The following NRXN3 variants were observed in gnomAD, a reference collection of about 807,000 sequenced individuals.
NRXN3 encodes neurexin III.
Under a neutral mutation model 137.6 loss-of-function variants are expected in NRXN3, and 32 were observed. The observed-to-expected ratio is 0.23, with a 90% CI of 0.18 to 0.31. The LOEUF is 0.31. Ranked by LOEUF, NRXN3 falls within the 10% of genes least tolerant of loss-of-function variation. The probability of loss-of-function intolerance (pLI) is 1.00; values close to 1 mark genes in which losing one functional copy is unlikely to be tolerated. For synonymous variants in NRXN3, 798 were observed against 784.5 expected, an observed-to-expected ratio of 1.02 and a Z score of -0.29; for missense variants, 1,574 against 2,062.5, an observed-to-expected ratio of 0.76 and a Z score of 4.59.
chr14:78,644,432 C>T (rs2097666894), intron 4 of NRXN3, among the ~76,000 whole-genome samples: 1 of 152,142 alleles, frequency 6.6e-6, no homozygotes, highest in African/African-American at 2.4e-5. Flanking sequence ...CAACCAGGGT[C>T]TTCAAAACAG....
chr14:79,374,147 A>G (rs2094192401), intron 15 of NRXN3, among the ~76,000 whole-genome samples: 1 of 152,184 alleles, frequency 6.6e-6, no homozygotes, highest in Non-Finnish European at 1.5e-5. Flanking sequence ...TTTGTATTAT[A>G]CTGGAAATAG....
At chr14:79,499,013 C>T (rs1053438435) in intron 16 of NRXN3, among the ~76,000 whole-genome samples, 3 of 152,158 alleles carry the variant, frequency 2.0e-5, no homozygotes, top group Admixed American at 1.3e-4. Flanking sequence ...TTGAATTCCT[C>T]TTTCTAGTTT....
chr14:79,269,808 AT>A (rs909693357), intron 15 of NRXN3, among the ~76,000 whole-genome samples: 168 of 152,298 alleles, frequency 1.1e-3, no homozygotes, highest in African/African-American at 4.0e-3. Flanking sequence ...AGAAAAAAAA[AT>A]GTTTGGTATT....
chr14:78,307,291 C>T (rs1206422611), intron 4 of NRXN3, among the ~76,000 whole-genome samples: 1 of 151,790 alleles, frequency 6.6e-6, no homozygotes, highest in East Asian at 1.9e-4. Flanking sequence ...TCCATTGTGA[C>T]CCTTTCTGCC....
Position 79,424,435 on chromosome 14 carries a change from G to A in NRXN3, c.3263-42786G>A, listed in dbSNP as rs559373616. On this transcript the variant is annotated intron_variant, in intron 15 of 20. Coordinates refer to ENST00000335750, the MANE Select transcript of NRXN3 (RefSeq NM_001330195.2). ...AATGTACATAGACAATAATAATTAT[G>A]AATAACATTTACTAAGCATCTACTA... Among the ~76,000 whole-genome samples, 8 of 152,230 alleles carry A rather than the reference G, an allele frequency of 5.3e-5. No homozygotes were observed. The East Asian group carries it at 1.5e-3, about 29-fold the overall frequency.
chr14:78,298,764 C>G (rs962332713), intron 4 of NRXN3, among the ~76,000 whole-genome samples: 1 of 152,192 alleles, frequency 6.6e-6, no homozygotes, highest in African/African-American at 2.4e-5. Context: ...TTTTTCTTGA[C>G]TATGTCGTGT....
intron 15 of NRXN3, among the ~76,000 whole-genome samples, chr14:79,115,308 A>G (rs993753631): frequency 1.4e-5 from 2 of 145,346 alleles, no homozygotes; most frequent in African/African-American, 5.1e-5. Flanking sequence ...CTGGGCAAGA[A>G]GAACGAAACT....
intron 10 of NRXN3, among the ~76,000 whole-genome samples, chr14:78,868,058 TTTTACTTAATATAAA>T (rs1310827160): frequency 6.7e-6 from 1 of 148,890 alleles, no homozygotes; most frequent in Non-Finnish European, 1.5e-5. Context: ...ATATACTTAA[TTTTACTTAATATAAA>T]TTTACTTAAT....
intron 15 of NRXN3, among the ~76,000 whole-genome samples, chr14:79,223,733 C>T (rs1329735212): frequency 1.3e-5 from 2 of 152,130 alleles, no homozygotes; most frequent in East Asian, 1.9e-4. Flanking sequence ...TAGCACTTTG[C>T]TCCAACCTGT....
At chr14:79,339,366 T>C (rs905984593) in intron 15 of NRXN3, among the ~76,000 whole-genome samples, 1 of 152,200 alleles carries the variant, frequency 6.6e-6, no homozygotes, top group Admixed American at 6.5e-5. Flanking sequence ...GGAGGGCTTG[T>C]TAAGAAACAG....
intron 4 of NRXN3, among the ~76,000 whole-genome samples, chr14:78,350,443 A>G (rs2083336475): frequency 6.6e-6 from 1 of 152,032 alleles, no homozygotes; most frequent in Non-Finnish European, 1.5e-5. Flanking sequence ...AAAAGCATGT[A>G]GGAGTTGGGG....
intron 15 of NRXN3, among the ~76,000 whole-genome samples, chr14:79,342,296 G>A (rs1422070361): frequency 2.0e-5 from 3 of 152,206 alleles, no homozygotes; most frequent in Non-Finnish European, 4.4e-5. Flanking sequence ...GATGCAGACA[G>A]GTATAGATGT....
At chr14:78,375,587 A>G (rs779701304) in intron 4 of NRXN3, among the ~76,000 whole-genome samples, 6 of 152,206 alleles carry the variant, frequency 3.9e-5, no homozygotes, top group Non-Finnish European at 7.3e-5. Flanking sequence ...CAATCCCTCC[A>G]TGCTCTAAGG....
At chr14:79,533,595 G>C (rs1336583035) in intron 16 of NRXN3, among the ~76,000 whole-genome samples, 1 of 152,086 alleles carries the variant, frequency 6.6e-6, no homozygotes, top group Non-Finnish European at 1.5e-5. Context: ...ATCCATGTAA[G>C]AGCATTTTGG....
At chr14:79,408,058 TTTAGA>T (rs2095347916) in intron 15 of NRXN3, among the ~76,000 whole-genome samples, 1 of 152,148 alleles carries the variant, frequency 6.6e-6, no homozygotes, top group Non-Finnish European at 1.5e-5. Flanking sequence ...AACTCAGGCC[TTTAGA>T]TTAATCAAGT....
chr14:79,081,440 C>T (rs1028233818), intron 15 of NRXN3, among the ~76,000 whole-genome samples: 1 of 151,870 alleles, frequency 6.6e-6, no homozygotes, highest in African/African-American at 2.4e-5. Flanking sequence ...ATGGAGAAAC[C>T]GTATCTCTAC....
chr14:78,778,655 T>TTTTCC (rs2098752539), intron 8 of NRXN3, among the ~76,000 whole-genome samples: 1 of 150,866 alleles, frequency 6.6e-6, no homozygotes, highest in African/African-American at 2.4e-5. Flanking sequence ...TCTTCCCTTC[T>TTTTCC]TTTCCTTTTC....
intron 19 of NRXN3, among the ~76,000 whole-genome samples, chr14:79,703,144 G>C (rs1414118323): frequency 6.6e-6 from 1 of 152,130 alleles, no homozygotes; most frequent in East Asian, 1.9e-4. Context: ...GACTTAAGAG[G>C]TTTGTGAGAT....
chr14:78,893,582 A>G (rs2099165406), intron 10 of NRXN3, among the ~76,000 whole-genome samples: 1 of 151,974 alleles, frequency 6.6e-6, no homozygotes, highest in African/African-American at 2.4e-5. Context: ...CTAATGAAAC[A>G]ATCTCATTTA....
Sources: allele counts gnomAD v4.1 joint callset (sites outside exome capture counted in the v4.1 genomes callset), GRCh38; gene constraint gnomAD v4.1.1; transcripts MANE v1.5; gene names NCBI Gene and HGNC (gene_info 2026-07-23, HGNC 2026-07-21).